FGF13: variants seen among roughly 807,000 people sequenced by gnomAD.
The protein encoded by FGF13 is fibroblast growth factor 13.
In FGF13, 2 loss-of-function variants were observed where a neutral mutation model predicts 19.5. The ratio of observed to expected loss-of-function variants is 0.10; its 90% CI spans 0.04 to 0.32. FGF13 has a LOEUF of 0.32. Ranked by LOEUF, FGF13 falls within the 10% of genes least tolerant of loss-of-function variation. FGF13 has a pLI of 1.00. For missense variants in FGF13, 113 were observed against 192.7 expected (o/e 0.59, Z 2.45); for synonymous variants, 72 against 76.9 (o/e 0.94, Z 0.33).
intron 1 of FGF13, among the ~76,000 whole-genome samples, chrX:139,123,660 G>A (rs761065901): frequency 2.7e-5 from 3 of 112,214 alleles, no homozygotes; most frequent in Non-Finnish European, 5.6e-5. Flanking sequence ...TGTGTCTTCT[G>A]TATTAGAATG....
chrX:138,715,664 T>A (rs1456190815), upstream of FGF13, among the ~76,000 whole-genome samples: 1 of 112,479 alleles, frequency 8.9e-6, no homozygotes, highest in East Asian at 2.8e-4. Context: ...TTCCTGTTCC[T>A]ACTTCTTTAT....
At chrX:139,175,870 G>C (rs1240972402) in intron 1 of FGF13, among the ~76,000 whole-genome samples, 1 of 111,725 alleles carries the variant, frequency 9.0e-6, no homozygotes, top group Non-Finnish European at 1.9e-5. Context: ...TTTTGTTGTT[G>C]TTGTGTCTCT....
At chrX:138,686,801 T>C (rs960133389) in intron 3 of FGF13, among the ~76,000 whole-genome samples, 2 of 111,987 alleles carry the variant, frequency 1.8e-5, no homozygotes, top group Non-Finnish European at 3.8e-5. Context: ...AGAATGTGTA[T>C]ATATAAAGCC....
chrX:139,000,636 G>C (rs1341486026), intron 1 of FGF13, among the ~76,000 whole-genome samples: 2 of 111,469 alleles, frequency 1.8e-5, no homozygotes, highest in Non-Finnish European at 3.8e-5. Flanking sequence ...CAAGGGATGT[G>C]AAGGACCTCT....
chrX:139,151,678 C>T (rs778046630), intron 1 of FGF13, among the ~76,000 whole-genome samples: 11 of 111,898 alleles, frequency 9.8e-5, no homozygotes, highest in Non-Finnish European at 2.1e-4. Flanking sequence ...TTAAATATTA[C>T]AAATTTATAT....
chrX:138,949,050 C>T lies in FGF13; in HGVS notation c.-112-84400G>A, dbSNP rs776759413. On this transcript the variant is annotated intron_variant, in intron 1 of 2. Transcript: ENST00000421460. ...GTCAGTAGCTGGGCCAGGATTACAG[C>T]CAAAAATTCTCTGGCACCAAAGTTT... 5.4e-5 allele frequency among the ~76,000 whole-genome samples: 6 copies of T among 111,469 alleles called. No individual in the cohort carries two copies. The South Asian group carries it at 2.2e-3, about 42-fold the overall frequency.
chrX:139,024,336 G>A (rs927014295), intron 1 of FGF13, among the ~76,000 whole-genome samples: 3 of 110,938 alleles, frequency 2.7e-5, no homozygotes, highest in Non-Finnish European at 5.7e-5. Context: ...ATACAAACTC[G>A]AGCTCTGGAC....
chrX:138,971,112 G>A (rs958667403), intron 1 of FGF13, among the ~76,000 whole-genome samples: 4 of 111,382 alleles, frequency 3.6e-5, no homozygotes, highest in African/African-American at 1.3e-4. Context: ...CAACACCAAG[G>A]GTTCCCTGGT....
At chrX:138,860,029 T>C (rs2091280124) in intron 2 of FGF13, among the ~76,000 whole-genome samples, 1 of 110,064 alleles carries the variant, frequency 9.1e-6, no homozygotes, top group Admixed American at 9.8e-5. Context: ...CAAATGTCAG[T>C]CAATTCAAGC....
intron 1 of FGF13, among the ~76,000 whole-genome samples, chrX:139,180,888 T>A (rs763250557): frequency 2.7e-5 from 3 of 112,366 alleles, no homozygotes; most frequent in Non-Finnish European, 5.6e-5. Context: ...AGTTATCTGC[T>A]GCACTATTCC....
intron 1 of FGF13, among the ~76,000 whole-genome samples, chrX:138,867,782 AATCT>A (rs11461039): frequency 0.13 from 11,878 of 94,348 alleles, 657 homozygotes; most frequent in Admixed American, 0.17. Context: ...ACTGTCTCTA[AATCT>A]ATCTATCTAT....
intron 1 of FGF13, among the ~76,000 whole-genome samples, chrX:139,063,969 C>T (rs114207357): frequency 0.042 from 4,613 of 111,029 alleles, 220 homozygotes; most frequent in African/African-American, 0.14. Flanking sequence ...ACTGTGTACT[C>T]ATCAACTTCT....
At chrX:139,108,152 G>A (rs953097053) in intron 1 of FGF13, among the ~76,000 whole-genome samples, 4 of 111,970 alleles carry the variant, frequency 3.6e-5, no homozygotes, top group African/African-American at 9.7e-5. Flanking sequence ...GAAGTCCCTC[G>A]TGAGTTATAG....
At chrX:138,750,511 C>T (rs896753370) in intron 3 of FGF13, among the ~76,000 whole-genome samples, 5 of 110,972 alleles carry the variant, frequency 4.5e-5, no homozygotes, top group Non-Finnish European at 9.4e-5. Context: ...TTCTAGTGAA[C>T]CCATCACCGA....
At chrX:138,842,526 G>A (rs1463083450) in intron 3 of FGF13, among the ~76,000 whole-genome samples, 1 of 111,235 alleles carries the variant, frequency 9.0e-6, no homozygotes, top group African/African-American at 3.3e-5. Flanking sequence ...CCCAAGGATG[G>A]AGAACCTTGG....
At chrX:138,822,867 T>A (rs778727528) in intron 3 of FGF13, among the ~76,000 whole-genome samples, 8 of 112,236 alleles carry the variant, frequency 7.1e-5, no homozygotes, top group African/African-American at 2.6e-4. Flanking sequence ...GCTGAACTCA[T>A]CCTTGTCCTC....
At chrX:138,958,454 C>T (rs1366840957) in intron 1 of FGF13, among the ~76,000 whole-genome samples, 3 of 111,549 alleles carry the variant, frequency 2.7e-5, no homozygotes, top group Non-Finnish European at 5.6e-5. Flanking sequence ...ATTTTTGCAT[C>T]GATGTTCATC....
rs987605563 is a variant in FGF13 at position 138,621,192 on chromosome X, C to T, written c.*11658G>A. 9.0e-6 allele frequency: 1 copy of T among 111,433 alleles called. No homozygotes were observed. Among genetic ancestry groups the T allele is most frequent in the African/African-American group, 3.3e-5 (1 of 30,682 alleles). 9.2% of individuals were successfully genotyped at this position (111,433 alleles called of 1,213,427 possible). On this transcript the variant is annotated 3_prime_UTR_variant, in exon 5 of 5. Transcript: ENST00000315930. ...AATGTACATTCGTCCCAAGTAATTG[C>T]GCAGGTACATTTTGAAGATACATCA...
upstream of FGF13, among the ~76,000 whole-genome samples, chrX:138,743,605 G>T (rs1357051830): frequency 9.0e-6 from 1 of 111,111 alleles, no homozygotes; most frequent in Non-Finnish European, 1.9e-5. Context: ...TATTTCTAGT[G>T]GGGAGGCCAT....
Sources: gnomAD v4.1 joint callset for allele counts (sites outside exome capture counted in the v4.1 genomes callset) on GRCh38, gnomAD v4.1.1 for gene constraint, MANE v1.5 for transcripts, NCBI Gene and HGNC (gene_info 2026-07-23, HGNC 2026-07-21) for gene names.